The following HMGB1 variants were observed in gnomAD, a reference collection of about 807,000 sequenced individuals.
HMGB1 encodes the protein high mobility group box 1.
For synonymous variants in HMGB1, 81 were observed against 84.0 expected (o/e 0.96, Z 0.19); for missense variants, 79 against 253.5 (o/e 0.31, Z 4.67).
chr13:30,519,423 C>T (rs559043962), intron 1 of HMGB1, among the ~76,000 whole-genome samples: 14 of 149,400 alleles, frequency 9.4e-5, no homozygotes, highest in South Asian at 4.3e-4. Flanking sequence ...AGGCCGGGCG[C>T]GGTGGTTCAC....
chr13:30,536,631 T>G (rs1868452961), intron 1 of HMGB1, among the ~76,000 whole-genome samples: 1 of 152,232 alleles, frequency 6.6e-6, no homozygotes, highest in Non-Finnish European at 1.5e-5. Context: ...ATTACAGGCG[T>G]GAGCCACCAT....
intron 1 of HMGB1, among the ~76,000 whole-genome samples, chr13:30,553,381 T>C (rs1433463631): frequency 6.6e-6 from 1 of 152,218 alleles, no homozygotes; most frequent in Non-Finnish European, 1.5e-5. Flanking sequence ...CAGACAGACC[T>C]GACTTTGAAA....
At chr13:30,549,187 C>T (rs1323195915) in intron 1 of HMGB1, among the ~76,000 whole-genome samples, 1 of 152,048 alleles carries the variant, frequency 6.6e-6, no homozygotes, top group Non-Finnish European at 1.5e-5. Flanking sequence ...GTCCCAGCTA[C>T]TCAGGTGCTC....
intron 1 of HMGB1, among the ~76,000 whole-genome samples, chr13:30,605,250 G>A (rs1472703241): frequency 2.0e-5 from 3 of 152,176 alleles, no homozygotes; most frequent in Non-Finnish European, 4.4e-5. Flanking sequence ...GGATAAATGA[G>A]TCTGAAGTTC....
chr13:30,517,796 CAGCA>C (rs1888133681), intron 1 of HMGB1, among the ~76,000 whole-genome samples: 1 of 152,140 alleles, frequency 6.6e-6, no homozygotes, highest in Non-Finnish European at 1.5e-5. Context: ...ACGGGTATTT[CAGCA>C]TACAAAAACC....
intron 1 of HMGB1, among the ~76,000 whole-genome samples, chr13:30,543,638 C>T (rs78746440): frequency 2.0e-5 from 3 of 152,118 alleles, no homozygotes; most frequent in Admixed American, 6.5e-5. Flanking sequence ...CAGGGCAGCA[C>T]CTGAACTAGC....
chr13:30,494,440 C>T lies in HMGB1; in HGVS notation c.-14-30746G>A, dbSNP rs182533672. Among the ~76,000 whole-genome samples, 170 of 151,978 alleles carry T rather than the reference C, an allele frequency of 1.1e-3. 2 individuals carry two copies. In the East Asian group the frequency reaches 0.025, roughly 23 times the overall value. Reference sequence around the variant, plus strand: ...GCAATGGTGTGATCTCGGCTCACTGCAACCTCCGCCTCCTAGGTTCAAGCG... The same window carrying T: ...GCAATGGTGTGATCTCGGCTCACTGTAACCTCCGCCTCCTAGGTTCAAGCG... On this transcript the variant is annotated intron_variant, in intron 1 of 4. Coordinates refer to the HMGB1 transcript ENST00000405805.
At chr13:30,561,322 T>C (rs1869942298) in intron 1 of HMGB1, among the ~76,000 whole-genome samples, 2 of 152,092 alleles carry the variant, frequency 1.3e-5, no homozygotes, top group Non-Finnish European at 1.5e-5. Context: ...TGAGATCACC[T>C]AGCTTGTGTG....
intron 1 of HMGB1, among the ~76,000 whole-genome samples, chr13:30,527,156 G>C (rs960665790): frequency 1.3e-5 from 2 of 152,238 alleles, no homozygotes; most frequent in Non-Finnish European, 2.9e-5. Context: ...TCTCTCCAGG[G>C]AGGCGGGCGA....
intron 1 of HMGB1, among the ~76,000 whole-genome samples, chr13:30,476,920 G>A (rs566143043): frequency 1.8e-4 from 28 of 152,044 alleles, no homozygotes; most frequent in Non-Finnish European, 3.5e-4. Context: ...ATAAGGCCAG[G>A]ATGCTTATCT....
chr13:30,605,483 C>T (rs1022393532), intron 1 of HMGB1, among the ~76,000 whole-genome samples: 4 of 152,230 alleles, frequency 2.6e-5, no homozygotes, highest in East Asian at 1.9e-4. Context: ...TCATTATACT[C>T]ATTTGATCGA....
At chr13:30,550,969 C>A (rs1268807040) in intron 1 of HMGB1, among the ~76,000 whole-genome samples, 2 of 152,192 alleles carry the variant, frequency 1.3e-5, no homozygotes, top group South Asian at 4.1e-4. Context: ...CACATGTTCA[C>A]TTTAGATTGC....
chr13:30,609,356 C>T (rs1055780397), intron 1 of HMGB1, among the ~76,000 whole-genome samples: 2 of 152,136 alleles, frequency 1.3e-5, no homozygotes, highest in Non-Finnish European at 2.9e-5. Flanking sequence ...ATGCCCAGGC[C>T]CCATGCCAAA....
chr13:30,566,578 T>C (rs1383652471), intron 1 of HMGB1, among the ~76,000 whole-genome samples: 5 of 152,252 alleles, frequency 3.3e-5, no homozygotes, highest in Non-Finnish European at 7.3e-5. Flanking sequence ...CTGTAGGCCA[T>C]ATAGAAACAG....
At chr13:30,564,447 C>G (rs1184114808) in intron 1 of HMGB1, among the ~76,000 whole-genome samples, 2 of 151,728 alleles carry the variant, frequency 1.3e-5, no homozygotes, top group Non-Finnish European at 2.9e-5. Context: ...GCCTGGGCAA[C>G]AGAGAGAGAG....
intron 1 of HMGB1, among the ~76,000 whole-genome samples, chr13:30,585,300 CA>C (rs1871095441): frequency 6.6e-6 from 1 of 152,034 alleles, no homozygotes; most frequent in Non-Finnish European, 1.5e-5. Flanking sequence ...CCCTGAGTGA[CA>C]GAGACCCAGT....
chr13:30,583,123 T>C (rs893310126), intron 1 of HMGB1, among the ~76,000 whole-genome samples: 1 of 151,998 alleles, frequency 6.6e-6, no homozygotes, highest in African/African-American at 2.4e-5. Context: ...CACCTCAACC[T>C]CCCAAAGTGA....
chr13:30,483,596 C>T (rs900424776), intron 1 of HMGB1, among the ~76,000 whole-genome samples: 7 of 148,276 alleles, frequency 4.7e-5, no homozygotes, highest in African/African-American at 1.2e-4. Flanking sequence ...CCCTGTTGCC[C>T]ACAAGAGAAC....
intron 1 of HMGB1, chr13:30,464,761 T>TTGTGTGTTTG (rs1555232354): frequency 6.1e-6 from 1 of 164,078 alleles, no homozygotes; most frequent in Non-Finnish European, 1.1e-5. Context: ...CTCCTTCCCT[T>TTGTGTGTTTG]TGTGTGTGTG....
Sources: allele counts gnomAD v4.1 joint callset (sites outside exome capture counted in the v4.1 genomes callset), GRCh38; gene constraint gnomAD v4.1.1; transcripts MANE v1.5; gene names NCBI Gene and HGNC (gene_info 2026-07-23, HGNC 2026-07-21).